The following PRKN variants were observed in gnomAD, a reference collection of about 807,000 sequenced individuals.
PRKN encodes the protein parkin RBR E3 ubiquitin protein ligase, also known as E3 ubiquitin-protein ligase parkin.
Under a neutral mutation model 59.5 loss-of-function variants are expected in PRKN, and 56 were observed. The observed-to-expected ratio is 0.94, with a 90% CI of 0.76 to 1.18. PRKN has a LOEUF of 1.18. Ranked by LOEUF, PRKN falls within the 50% of genes most tolerant of loss-of-function variation. The pLI, the probability that PRKN is intolerant of heterozygous loss-of-function variation, is 0.00. For missense variants in PRKN, 657 were observed against 596.4 expected (o/e 1.10, Z -1.06); for synonymous variants, 250 against 222.1 (o/e 1.13, Z -1.12).
chr6:162,562,133 G>A (rs1562387643), intron 1 of PRKN, among the ~76,000 whole-genome samples: 1 of 152,108 alleles, frequency 6.6e-6, no homozygotes, highest in African/African-American at 2.4e-5. Flanking sequence ...GCAACAGACT[G>A]AATTGTGAGG....
At chr6:162,127,201 TG>T (rs947608523) in intron 4 of PRKN, among the ~76,000 whole-genome samples, 1 of 152,258 alleles carries the variant, frequency 6.6e-6, no homozygotes, top group African/African-American at 2.4e-5. Context: ...CGTACCAAGT[TG>T]CAAAGGCAAG....
At chr6:162,038,876 C>T (rs187769727) in intron 5 of PRKN, among the ~76,000 whole-genome samples, 3 of 152,094 alleles carry the variant, frequency 2.0e-5, no homozygotes, top group East Asian at 3.9e-4. Flanking sequence ...CCTTGCTGGC[C>T]GGGCGCGGTG....
chr6:162,272,999 GAAAAAAA>G (rs548215878), intron 2 of PRKN, among the ~76,000 whole-genome samples: 812 of 54,988 alleles, frequency 0.015, 9 homozygotes, highest in African/African-American at 0.051. Context: ...GCCTGTGTCT[GAAAAAAA>G]AAAAAAAAAA....
chr6:161,432,272 T>C (rs1294876082), intron 9 of PRKN, among the ~76,000 whole-genome samples: 1 of 152,200 alleles, frequency 6.6e-6, no homozygotes, highest in Admixed American at 6.5e-5. Context: ...GCAAGATAGA[T>C]ATCTACTTTT....
intron 3 of PRKN, among the ~76,000 whole-genome samples, chr6:162,210,107 A>AAATAAAATAAAAT (rs1785140278): frequency 6.9e-5 from 10 of 144,162 alleles, no homozygotes; most frequent in African/African-American, 2.3e-4. Context: ...TATAATAATA[A>AAATAAAATAAAAT]AAAATAAAAT....
intron 9 of PRKN, among the ~76,000 whole-genome samples, chr6:161,433,820 C>G (rs1336026851): frequency 6.6e-6 from 1 of 151,936 alleles, no homozygotes; most frequent in Non-Finnish European, 1.5e-5. Flanking sequence ...AGTTCAAGAC[C>G]CGCCTGGCCA....
intron 6 of PRKN, among the ~76,000 whole-genome samples, chr6:161,945,304 G>A (rs1562408663): frequency 6.6e-6 from 1 of 152,122 alleles, no homozygotes; most frequent in Non-Finnish European, 1.5e-5. Context: ...AATACGGCCC[G>A]CTCATTTGTA....
chr6:162,438,350 G>A (rs1248505340), intron 2 of PRKN, among the ~76,000 whole-genome samples: 2 of 152,098 alleles, frequency 1.3e-5, no homozygotes, highest in African/African-American at 4.8e-5. Flanking sequence ...ACAGTGCATT[G>A]TATTTAACCA....
At chr6:162,019,196 G>A (rs891769325) in intron 5 of PRKN, among the ~76,000 whole-genome samples, 1 of 152,096 alleles carries the variant, frequency 6.6e-6, no homozygotes, top group Admixed American at 6.6e-5. Context: ...GACCAACAAG[G>A]TTATTCATGA....
chr6:161,902,542 CTATCTATT>C lies in PRKN; in HGVS notation c.734+70752_734+70759del, dbSNP rs747941343. 4.0e-3 allele frequency among the ~76,000 whole-genome samples: 330 copies of C among 82,682 alleles called. 3 individuals are homozygous for C. The South Asian group carries it at 0.05, about 13-fold the overall frequency. The allele number at this position is 82,682 out of a possible 152,430, so 54.2% of individuals were successfully genotyped here. A position where few individuals can be genotyped will look rare whatever the true frequency, so the allele number is the denominator to read the frequency against. ...GACATCCGTCTATCTATCTATCTAT[CTATCTATT>C]TATTTATTTATTTATTTTTTTTTTT... On this transcript the variant is annotated intron_variant, in intron 6 of 11. Transcript: ENST00000366898.
chr6:162,271,793 T>A (rs1234665096), intron 2 of PRKN, among the ~76,000 whole-genome samples: 2 of 152,178 alleles, frequency 1.3e-5, no homozygotes, highest in East Asian at 3.9e-4. Flanking sequence ...ACAGAAACTA[T>A]CCTTTCAAAC....
chr6:162,676,045 A>G (rs987975093), intron 1 of PRKN, among the ~76,000 whole-genome samples: 1 of 152,194 alleles, frequency 6.6e-6, no homozygotes, highest in Non-Finnish European at 1.5e-5. Flanking sequence ...CATGATGAGA[A>G]AGCTTTTTCT....
At chr6:161,614,441 G>T (rs1014442213) in intron 7 of PRKN, among the ~76,000 whole-genome samples, 7 of 152,158 alleles carry the variant, frequency 4.6e-5, no homozygotes, top group South Asian at 2.1e-4. Flanking sequence ...GCTAGAAAAG[G>T]CTTTAAAACA....
intron 3 of PRKN, among the ~76,000 whole-genome samples, chr6:162,211,760 G>C (rs1253003391): frequency 6.6e-6 from 1 of 152,038 alleles, no homozygotes; most frequent in African/African-American, 2.4e-5. Context: ...GATGCTTTAA[G>C]CATCTTATTT....
In PRKN at chr6:162,435,794, T is replaced by G. The variant is rs116887812; in HGVS notation, c.171+7516A>C. On this transcript the variant is annotated intron_variant, in intron 2 of 11. Transcript: ENST00000366898. ...GAGCATCTCATTTACATGACCAATCTCTTACACAGAAATAAATCACTGCGT... is the reference window on the plus strand; with the variant it reads ...GAGCATCTCATTTACATGACCAATCGCTTACACAGAAATAAATCACTGCGT... 5.9e-3 allele frequency among the ~76,000 whole-genome samples: 894 copies of G among 152,262 alleles called. 3 individuals are homozygous for G. The highest frequency in any genetic ancestry group is 0.01 in the Non-Finnish European group (714 of 68,008).
chr6:161,680,589 CATTAG>C (rs1440922186), intron 7 of PRKN, among the ~76,000 whole-genome samples: 1 of 151,316 alleles, frequency 6.6e-6, no homozygotes, highest in Non-Finnish European at 1.5e-5. Flanking sequence ...TCTTAGTTGT[CATTAG>C]ATTAGAGTGC....
chr6:162,708,448 C>T (rs1431238185), intron 1 of PRKN, among the ~76,000 whole-genome samples: 1 of 152,126 alleles, frequency 6.6e-6, no homozygotes, highest in Non-Finnish European at 1.5e-5. Flanking sequence ...GCAAACATAG[C>T]AAGACAATTT....
chr6:161,839,183 C>T (rs1008456700), intron 6 of PRKN, among the ~76,000 whole-genome samples: 2 of 152,040 alleles, frequency 1.3e-5, no homozygotes, highest in African/African-American at 4.8e-5. Context: ...AGATATGCCT[C>T]CCACAGTGAG....
chr6:162,226,463 C>T (rs1295475370), intron 3 of PRKN, among the ~76,000 whole-genome samples: 1 of 152,210 alleles, frequency 6.6e-6, no homozygotes, highest in Non-Finnish European at 1.5e-5. Context: ...GGTCAAATTA[C>T]TGCAATTTGG....
Sources: allele counts gnomAD v4.1 joint callset (sites outside exome capture counted in the v4.1 genomes callset), GRCh38; gene constraint gnomAD v4.1.1; transcripts MANE v1.5; gene names NCBI Gene and HGNC (gene_info 2026-07-23, HGNC 2026-07-21).